MGST1: variants seen among roughly 807,000 people sequenced by gnomAD.
MGST1 encodes the protein glutathione S-transferase 12.
A neutral mutation model predicts 8.9 loss-of-function variants in MGST1; 5 were observed. The ratio of observed to expected loss-of-function variants is 0.56; its 90% CI spans 0.29 to 1.19. MGST1 has a LOEUF of 1.19. Among genes scored for constraint, MGST1 ranks in the 50% most tolerant of loss-of-function variants. The pLI, the probability that MGST1 is intolerant of heterozygous loss-of-function variation, is 0.08. For synonymous variants in MGST1, 54 were observed against 67.8 expected (o/e 0.80, Z 1.00); for missense variants, 182 against 187.4 (o/e 0.97, Z 0.17).
At chr12:16,535,227 G>A (rs1474422113) in intron 4 of MGST1, among the ~76,000 whole-genome samples, 1 of 152,176 alleles carries the variant, frequency 6.6e-6, no homozygotes, top group Non-Finnish European at 1.5e-5. Flanking sequence ...TCACCCTAGG[G>A]TGGGATCCAA....
intron 4 of MGST1, among the ~76,000 whole-genome samples, chr12:16,516,987 A>G (rs1370609585): frequency 6.6e-6 from 1 of 152,202 alleles, no homozygotes; most frequent in African/African-American, 2.4e-5. Flanking sequence ...TATTTGATTT[A>G]GCTCTACATT....
chr12:16,485,804 A>C (rs951392930), intron 4 of MGST1, among the ~76,000 whole-genome samples: 1 of 152,242 alleles, frequency 6.6e-6, no homozygotes, highest in Non-Finnish European at 1.5e-5. Flanking sequence ...ACATTAGTCA[A>C]AAGGAAAATC....
In MGST1 at chr12:16,513,534, C is replaced by T. The variant is rs1280488529; in HGVS notation, n.483-75994C>T. On this transcript the variant is annotated intron_variant and non_coding_transcript_variant, in intron 4 of 4. Transcript: ENST00000538857. The surrounding 1 kb of genome is among the most constrained non-coding windows in gnomAD (Gnocchi z 4.2). ...CACCAGATCCCATCCTTGGAGTCAC[C>T]GAAGGCTTTAAGAGGGACACCAATA... is the stretch of plus-strand genomic sequence containing the variant. 4.1e-6 allele frequency: 2 copies of T among 485,384 alleles called. No homozygotes were observed. Among genetic ancestry groups the T allele is most frequent in the Admixed American group, 2.3e-5 (1 of 43,308 alleles). 30.1% of individuals were successfully genotyped at this position (485,384 alleles called of 1,614,324 possible). A position where few individuals can be genotyped will look rare whatever the true frequency, so the allele number is the denominator to read the frequency against.
At chr12:16,534,349 C>G (rs1336082881) in intron 4 of MGST1, among the ~76,000 whole-genome samples, 1 of 152,146 alleles carries the variant, frequency 6.6e-6, no homozygotes, top group Non-Finnish European at 1.5e-5. Flanking sequence ...GCAATACTAT[C>G]TTTTCTATAA....
intron 4 of MGST1, among the ~76,000 whole-genome samples, chr12:16,556,833 C>T (rs1942209980): frequency 6.6e-6 from 1 of 152,124 alleles, no homozygotes; most frequent in Non-Finnish European, 1.5e-5. Flanking sequence ...CTTGTAGGGG[C>T]TGAAGTGACA....
At chr12:16,433,907 G>A (rs981302254) in intron 1 of MGST1, among the ~76,000 whole-genome samples, 3 of 152,024 alleles carry the variant, frequency 2.0e-5, no homozygotes, top group Non-Finnish European at 1.5e-5. Flanking sequence ...AGTAGTCCAT[G>A]TCAATTTTCC....
chr12:16,570,782 T>G (rs1218553655), intron 4 of MGST1, among the ~76,000 whole-genome samples: 1 of 152,158 alleles, frequency 6.6e-6, no homozygotes, highest in Non-Finnish European at 1.5e-5. Context: ...GTCACCTGAT[T>G]ATTCACAAAA....
chr12:16,365,042 T>C (rs1016523821), downstream of MGST1, among the ~76,000 whole-genome samples: 1 of 152,180 alleles, frequency 6.6e-6, no homozygotes, highest in Non-Finnish European at 1.5e-5. Context: ...GCATATGATA[T>C]CAGTTTGCCC....
At chr12:16,551,232 TG>T (rs773917459) in intron 4 of MGST1, 2 of 1,600,834 alleles carry the variant, frequency 1.2e-6, no homozygotes, top group Non-Finnish European at 1.7e-6. Flanking sequence ...TCAGCGAACC[TG>T]GGGTGCATAA....
chr12:16,507,722 A>G (rs985877142), intron 4 of MGST1, among the ~76,000 whole-genome samples: 1 of 152,094 alleles, frequency 6.6e-6, no homozygotes, highest in Non-Finnish European at 1.5e-5. Flanking sequence ...AGAAGGGGGA[A>G]GTGCTACACT....
chr12:16,493,608 G>C (rs747675868), intron 4 of MGST1, among the ~76,000 whole-genome samples: 7 of 152,246 alleles, frequency 4.6e-5, no homozygotes, highest in Non-Finnish European at 7.4e-5. Context: ...ATAGTAATCA[G>C]AGAAGTATTT....
upstream of MGST1, among the ~76,000 whole-genome samples, chr12:16,382,524 C>T (rs990311291): frequency 6.6e-6 from 1 of 152,088 alleles, no homozygotes; most frequent in African/African-American, 2.4e-5. Context: ...AGTACCCGGC[C>T]GTGTGAGGTG....
chr12:16,378,428 G>C (rs1322089587), downstream of MGST1, among the ~76,000 whole-genome samples: 1 of 151,872 alleles, frequency 6.6e-6, no homozygotes, highest in African/African-American at 2.4e-5. Context: ...TCTTGTTTTT[G>C]TCAGGTTTGT....
At chr12:16,572,263 A>G (rs117459834) in intron 4 of MGST1, among the ~76,000 whole-genome samples, 1 of 151,350 alleles carries the variant, frequency 6.6e-6, no homozygotes, top group East Asian at 1.9e-4. Flanking sequence ...TAAAACCTGT[A>G]GATTACATAT....
At chr12:16,423,412 G>A (rs1940858534) in intron 1 of MGST1, among the ~76,000 whole-genome samples, 1 of 151,924 alleles carries the variant, frequency 6.6e-6, no homozygotes, top group African/African-American at 2.4e-5. Flanking sequence ...CTGATATTTT[G>A]TTGTCCCTAA....
chr12:16,353,846 G>A (rs772579933), intron 1 of MGST1, among the ~76,000 whole-genome samples: 3 of 140,948 alleles, frequency 2.1e-5, no homozygotes, highest in Non-Finnish European at 4.5e-5. Context: ...TGCAACCTCC[G>A]CCTCCCGGAT....
chr12:16,550,715 A>G (rs1161476550), intron 4 of MGST1: 1 of 152,890 alleles, frequency 6.5e-6, no homozygotes, highest in Admixed American at 6.5e-5. Flanking sequence ...GACTTGCTTT[A>G]TCTATCTGTG....
chr12:16,385,398 C>G (rs750745362), intron 1 of MGST1, among the ~76,000 whole-genome samples: 1 of 151,722 alleles, frequency 6.6e-6, no homozygotes, highest in Non-Finnish European at 1.5e-5. Flanking sequence ...TTACATCAAT[C>G]ACATGATTTC....
At chr12:16,588,490 C>CTTTT (rs1021939744) in intron 4 of MGST1, among the ~76,000 whole-genome samples, 1 of 151,972 alleles carries the variant, frequency 6.6e-6, no homozygotes, top group Non-Finnish European at 1.5e-5. Flanking sequence ...GGCCATAGAA[C>CTTTT]TTTTATAAGG....
Sources: gnomAD v4.1 joint callset for allele counts (sites outside exome capture counted in the v4.1 genomes callset) on GRCh38, gnomAD v4.1.1 for gene constraint, Gnocchi (gnomAD v3.1) non-coding constraint, MANE v1.5 for transcripts, NCBI Gene and HGNC (gene_info 2026-07-23, HGNC 2026-07-21) for gene names.